CDH18: variants seen among roughly 807,000 people sequenced by gnomAD.
The protein encoded by CDH18 is cadherin-18.
A neutral mutation model predicts 67.9 loss-of-function variants in CDH18; 31 were observed. The ratio of observed to expected loss-of-function variants is 0.46; its 90% confidence interval spans 0.34 to 0.62. The LOEUF (loss-of-function observed/expected upper bound fraction) is 0.62. CDH18 is among the 20% of genes least tolerant of loss of function. CDH18 has a pLI of 0.01. For synonymous variants in CDH18, 362 were observed against 347.2 expected (o/e 1.04, Z -0.48); for missense variants, 890 against 975.5 (o/e 0.91, Z 1.17).
chr5:20,460,115 C>T (rs10074619), intron 1 of CDH18, among the ~76,000 whole-genome samples: 45,174 of 151,808 alleles, frequency 0.3, 7,077 homozygotes, highest in East Asian at 0.39. Context: ...ATGTGGCAGG[C>T]CGGGCGCAGT....
chr5:19,736,097 T>G (rs114867508), intron 4 of CDH18, among the ~76,000 whole-genome samples: 10 of 152,328 alleles, frequency 6.6e-5, no homozygotes, highest in African/African-American at 1.9e-4. Context: ...AATAAAGCAC[T>G]TGAAATAATG....
intron 2 of CDH18, among the ~76,000 whole-genome samples, chr5:19,903,566 T>TATATATATA (rs61210220): frequency 1.0e-4 from 14 of 139,590 alleles, no homozygotes; most frequent in East Asian, 2.1e-4. Flanking sequence ...TATATATATA[T>TATATATATA]TTGTTGAGCC....
chr5:19,928,093 G>A (rs532949438), intron 2 of CDH18, among the ~76,000 whole-genome samples: 9 of 152,244 alleles, frequency 5.9e-5, no homozygotes, highest in African/African-American at 1.9e-4. Context: ...CATTGTCATG[G>A]AGAAGCTCAA....
chr5:19,819,371 C>G (rs962172750), intron 3 of CDH18, among the ~76,000 whole-genome samples: 1 of 152,110 alleles, frequency 6.6e-6, no homozygotes, highest in Non-Finnish European at 1.5e-5. Context: ...TCTCTTCCAA[C>G]AAGAGAAGCT....
chr5:20,124,195 C>G (rs1016118394), intron 2 of CDH18, among the ~76,000 whole-genome samples: 2 of 152,194 alleles, frequency 1.3e-5, no homozygotes, highest in East Asian at 3.9e-4. Context: ...AAAGAAGAAA[C>G]ATTTTTGTTT....
At chr5:19,635,879 T>G (rs917008881) in intron 5 of CDH18, among the ~76,000 whole-genome samples, 2 of 152,152 alleles carry the variant, frequency 1.3e-5, no homozygotes, top group East Asian at 3.9e-4. Context: ...TTGGATGTGT[T>G]TTGGCAGAAG....
intron 7 of CDH18, among the ~76,000 whole-genome samples, chr5:19,578,244 T>G (rs1173544655): frequency 6.6e-6 from 1 of 152,234 alleles, no homozygotes; most frequent in East Asian, 1.9e-4. Context: ...TTTCTTTCTT[T>G]TCAGTGTGTT....
intron 2 of CDH18, among the ~76,000 whole-genome samples, chr5:19,885,213 A>G (rs2150067619): frequency 6.6e-6 from 1 of 152,292 alleles, no homozygotes; most frequent in African/African-American, 2.4e-5. Flanking sequence ...GCTGAGGCCA[A>G]GTGACTTAAT....
chr5:20,306,179 A>C (rs2149979068), intron 1 of CDH18, among the ~76,000 whole-genome samples: 1 of 152,306 alleles, frequency 6.6e-6, no homozygotes, highest in African/African-American at 2.4e-5. Flanking sequence ...AACATAAAGG[A>C]AAATACATAG....
chr5:20,307,174 G>A (rs1472333773), intron 1 of CDH18, among the ~76,000 whole-genome samples: 3 of 152,168 alleles, frequency 2.0e-5, no homozygotes, highest in African/African-American at 7.2e-5. Context: ...GAAAGCCAGT[G>A]TGGTTGCAGA....
chr5:20,358,545 A>G (rs1741818483), intron 1 of CDH18, among the ~76,000 whole-genome samples: 2 of 152,216 alleles, frequency 1.3e-5, no homozygotes, highest in Admixed American at 6.5e-5. Context: ...GAGCAATTCA[A>G]TATGCATAAA....
At chr5:20,207,704 T>C (rs1037914342) in intron 2 of CDH18, among the ~76,000 whole-genome samples, 14 of 152,154 alleles carry the variant, frequency 9.2e-5, no homozygotes, top group South Asian at 8.3e-4. Context: ...ATGTGAAAAT[T>C]ATAGGAGCTA....
At chr5:19,503,717 A>G (rs1298055686) in intron 10 of CDH18, among the ~76,000 whole-genome samples, 1 of 152,098 alleles carries the variant, frequency 6.6e-6, no homozygotes, top group African/African-American at 2.4e-5. Flanking sequence ...AGTGCTCAGG[A>G]GAAAGCAATT....
chr5:20,193,052 A>C (rs991153529), intron 2 of CDH18, among the ~76,000 whole-genome samples: 1 of 151,990 alleles, frequency 6.6e-6, no homozygotes, highest in Non-Finnish European at 1.5e-5. Flanking sequence ...GTTCTCCTTG[A>C]AGAGGTCATT....
At chr5:20,108,874 G>A (rs932938165) in intron 2 of CDH18, among the ~76,000 whole-genome samples, 5 of 152,126 alleles carry the variant, frequency 3.3e-5, no homozygotes, top group South Asian at 4.1e-4. Context: ...CTTAGGGAAC[G>A]TATTCAACCT....
chr5:19,586,926 T>G (rs1013137512), intron 7 of CDH18, among the ~76,000 whole-genome samples: 2 of 152,212 alleles, frequency 1.3e-5, no homozygotes, highest in African/African-American at 2.4e-5. Context: ...GGTATCACAT[T>G]GTGGTTTAGA....
chr5:20,152,019 G>T (rs965276332), intron 2 of CDH18, among the ~76,000 whole-genome samples: 1 of 150,050 alleles, frequency 6.7e-6, no homozygotes, highest in African/African-American at 2.4e-5. Context: ...GAAGTTCAAT[G>T]AAATTATAAT....
intron 10 of CDH18, among the ~76,000 whole-genome samples, chr5:19,511,456 G>A (rs1293252029): frequency 2.6e-5 from 4 of 152,134 alleles, no homozygotes; most frequent in South Asian, 2.1e-4. Flanking sequence ...ACAGGAAGAC[G>A]TGGGAAGGTT....
At chr5:20,359,542 C>G (rs1024827009) in intron 1 of CDH18, among the ~76,000 whole-genome samples, 2 of 152,114 alleles carry the variant, frequency 1.3e-5, no homozygotes, top group African/African-American at 4.8e-5. Context: ...ACTTAACATT[C>G]TTTAAACTTC....
Sources: allele counts gnomAD v4.1 joint callset (sites outside exome capture counted in the v4.1 genomes callset), GRCh38; gene constraint gnomAD v4.1.1; transcripts MANE v1.5; gene names NCBI Gene and HGNC (gene_info 2026-07-23, HGNC 2026-07-21).